DPF3: variants seen among roughly 807,000 people sequenced by gnomAD.
The protein encoded by DPF3 is double PHD fingers 3, also known as zinc finger protein DPF3.
DPF3 carries 18 observed loss-of-function variants against 56.8 expected under a neutral mutation model. The observed-to-expected ratio is 0.32, with a 90% CI of 0.22 to 0.47. The LOEUF is 0.47. Ranked by LOEUF, DPF3 falls within the 20% of genes least tolerant of loss-of-function variation. The pLI is 1.00. For missense variants in DPF3, 403 were observed against 488.8 expected, an observed-to-expected ratio of 0.82 and a Z score of 1.65; for synonymous variants, 188 against 180.2, an observed-to-expected ratio of 1.04 and a Z score of -0.35.
chr14:72,686,326 A>G (rs1302849477), intron 7 of DPF3, among the ~76,000 whole-genome samples: 1 of 152,252 alleles, frequency 6.6e-6, no homozygotes, highest in Non-Finnish European at 1.5e-5. Context: ...GAGATGGGAC[A>G]TTAGTGCTCA....
At chr14:72,658,871 A>C (rs1319722919) in intron 8 of DPF3, among the ~76,000 whole-genome samples, 1 of 152,192 alleles carries the variant, frequency 6.6e-6, no homozygotes, top group Non-Finnish European at 1.5e-5. Flanking sequence ...AAGCCATCTA[A>C]GTGTGCCCAG....
At chr14:72,890,562 T>A (rs765069629) in intron 1 of DPF3, among the ~76,000 whole-genome samples, 4 of 149,410 alleles carry the variant, frequency 2.7e-5, no homozygotes, top group Non-Finnish European at 5.9e-5. Flanking sequence ...AACCAGAACG[T>A]GACTAATCTA....
intron 8 of DPF3, among the ~76,000 whole-genome samples, chr14:72,658,004 C>T (rs562795988): frequency 6.6e-6 from 1 of 152,172 alleles, no homozygotes; most frequent in Non-Finnish European, 1.5e-5. Flanking sequence ...GAGTAGTGTT[C>T]GCATACTTAA....
At chr14:72,799,984 T>A (rs1892805062) in intron 1 of DPF3, among the ~76,000 whole-genome samples, 1 of 152,196 alleles carries the variant, frequency 6.6e-6, no homozygotes, top group East Asian at 1.9e-4. Flanking sequence ...GTTAGTTACA[T>A]GAGCCCACAC....
intron 1 of DPF3, among the ~76,000 whole-genome samples, chr14:72,775,054 G>A (rs1891694350): frequency 6.6e-6 from 1 of 152,132 alleles, no homozygotes; most frequent in South Asian, 2.1e-4. Context: ...CCATGAAACA[G>A]CAAGCAGCCA....
intron 3 of DPF3, among the ~76,000 whole-genome samples, chr14:72,747,296 CAG>C (rs1890364240): frequency 6.6e-6 from 1 of 152,166 alleles, no homozygotes; most frequent in South Asian, 2.1e-4. Flanking sequence ...GATGATTAAC[CAG>C]AGTGTCCCAT....
chr14:72,635,240 T>C (rs1885352572), intron 8 of DPF3, among the ~76,000 whole-genome samples: 1 of 152,170 alleles, frequency 6.6e-6, no homozygotes, highest in South Asian at 2.1e-4. Context: ...ACCAATGGGT[T>C]ATGGGAAACT....
chr14:72,821,133 CAAAAA>C (rs976081670), intron 1 of DPF3, among the ~76,000 whole-genome samples: 1 of 116,900 alleles, frequency 8.6e-6, no homozygotes, highest in African/African-American at 3.4e-5. Flanking sequence ...AACTCTATCT[CAAAAA>C]AAAAAAAAAA....
chr14:72,679,946 A>C (rs1200245453), intron 7 of DPF3, among the ~76,000 whole-genome samples: 1 of 152,238 alleles, frequency 6.6e-6, no homozygotes, highest in African/African-American at 2.4e-5. Context: ...CCTTCCCTGC[A>C]GAATCAGGAG....
chr14:72,681,588 G>A (rs774441456), intron 7 of DPF3, among the ~76,000 whole-genome samples: 4 of 152,170 alleles, frequency 2.6e-5, no homozygotes, highest in Admixed American at 1.3e-4. Flanking sequence ...CCCTTCCTAT[G>A]CCTGCCTTCT....
rs1008482012 is a variant in DPF3 at position 72,794,625 on chromosome 14, G to T, written c.33-22732C>A. ...TGTTTAAAGGCACTGGGTCACAAAG[G>T]AGGAGGAGCCTTAGCAGGTTGGAAC... On this transcript the variant is annotated intron_variant, in intron 1 of 10. Transcript: ENST00000556509. Among the ~76,000 whole-genome samples, 9 of 152,322 alleles carry T rather than the reference G, an allele frequency of 5.9e-5. No homozygotes were observed. In the South Asian group the frequency reaches 6.2e-4, roughly 11 times the overall value.
At position 72,611,269 on chromosome 14, in the gene DPF3, G is replaced by A. The variant is rs1219778150; in HGVS notation, c.*8028C>T. Among the ~76,000 whole-genome samples, 1 of 152,244 alleles carries A rather than the reference G, an allele frequency of 6.6e-6. No homozygotes were observed. The highest frequency in any genetic ancestry group is 1.5e-5 in the Non-Finnish European group (1 of 68,052). On this transcript the variant is annotated 3_prime_UTR_variant, in exon 11 of 11. Coordinates refer to ENST00000556509, the MANE Select transcript of DPF3 (RefSeq NM_001280542.3). ...GAAATCTGGCTGTGACACGTGTGGA[G>A]AAAAGGAAAGATGAAACAAACGGTT...
At chr14:72,871,254 C>T (rs537925996) in intron 1 of DPF3, among the ~76,000 whole-genome samples, 21 of 152,156 alleles carry the variant, frequency 1.4e-4, no homozygotes, top group Non-Finnish European at 2.4e-4. Context: ...TATCATTCTG[C>T]CCTTGGCCCT....
In DPF3 at chr14:72,612,485, G is replaced by C. The variant is rs774187549; in HGVS notation, c.*6812C>G. 1 of 518,332 alleles carries C rather than the reference G, an allele frequency of 1.9e-6. No homozygotes were observed. The highest frequency in any genetic ancestry group is 3.8e-6 in the Non-Finnish European group (1 of 259,780). The allele number at this position is 518,332 out of a possible 1,614,324, so 32.1% of individuals were successfully genotyped here. ...TTCTTCAACTACATGTTGAAAATGT[G>C]CACGGGGTATATTTTCTTTTTCCTA... On this transcript the variant is annotated 3_prime_UTR_variant, in exon 11 of 11. Transcript: ENST00000556509.
chr14:72,822,427 A>C (rs1294635666), intron 1 of DPF3, among the ~76,000 whole-genome samples: 2 of 152,202 alleles, frequency 1.3e-5, no homozygotes, highest in African/African-American at 4.8e-5. Context: ...ATTGTTAAAA[A>C]ATTTTTAAAG....
At chr14:72,784,147 G>A (rs964507762) in intron 1 of DPF3, among the ~76,000 whole-genome samples, 10 of 152,080 alleles carry the variant, frequency 6.6e-5, no homozygotes, top group African/African-American at 1.9e-4. Flanking sequence ...CATTTCACCC[G>A]CCGCAAAGTT....
intron 4 of DPF3, among the ~76,000 whole-genome samples, chr14:72,729,546 A>G (rs1297264294): frequency 6.6e-6 from 1 of 152,194 alleles, no homozygotes; most frequent in African/African-American, 2.4e-5. Flanking sequence ...AATTTTAAAA[A>G]GCTCCCTCTC....
At chr14:72,859,967 C>CA (rs5809595) in intron 1 of DPF3, among the ~76,000 whole-genome samples, 205 of 131,824 alleles carry the variant, frequency 1.6e-3, no homozygotes, top group Middle Eastern at 4.0e-3. Flanking sequence ...ATTTAACTGA[C>CA]AAAAAAAAAA....
intron 8 of DPF3, among the ~76,000 whole-genome samples, chr14:72,667,767 G>A (rs536411331): frequency 2.0e-5 from 3 of 152,212 alleles, no homozygotes; most frequent in South Asian, 2.1e-4. Flanking sequence ...TTTTAATGAC[G>A]TTACCTTTTA....
Sources: allele counts gnomAD v4.1 joint callset (sites outside exome capture counted in the v4.1 genomes callset), GRCh38; gene constraint gnomAD v4.1.1; transcripts MANE v1.5; gene names NCBI Gene and HGNC (gene_info 2026-07-23, HGNC 2026-07-21).